The following SGCD variants were observed in gnomAD, a reference collection of about 807,000 sequenced individuals.
The protein encoded by SGCD is delta-sarcoglycan.
In SGCD, 18 loss-of-function variants were observed where a neutral mutation model predicts 36.6. The ratio of observed to expected loss-of-function variants is 0.49; its 90% CI spans 0.34 to 0.73. The LOEUF is 0.73. Ranked by LOEUF, SGCD falls within the 30% of genes least tolerant of loss-of-function variation. The pLI is 0.01. For missense variants in SGCD, 387 were observed against 346.7 expected, an observed-to-expected ratio of 1.12 and a Z score of -0.92; for synonymous variants, 133 against 130.6, an observed-to-expected ratio of 1.02 and a Z score of -0.12.
intron 3 of SGCD, among the ~76,000 whole-genome samples, chr5:156,159,178 A>G (rs142716809): frequency 0.014 from 2,056 of 151,750 alleles, 29 homozygotes; most frequent in Non-Finnish European, 0.022. Context: ...AAATGAAATA[A>G]CCAAAGAGCC....
At chr5:155,944,875 T>C (rs1757406124) in intron 1 of SGCD, among the ~76,000 whole-genome samples, 2 of 151,922 alleles carry the variant, frequency 1.3e-5, no homozygotes, top group Non-Finnish European at 2.9e-5. Flanking sequence ...TCTTTTGTCT[T>C]CCCAAATACA....
the SGCD span, among the ~76,000 whole-genome samples, chr5:155,805,991 G>T: frequency 2.6e-5 from 4 of 152,168 alleles, no homozygotes; most frequent in African/African-American, 9.7e-5. Context: ...AGCTAAGATG[G>T]GGAGGAGGTC....
intron 6 of SGCD, among the ~76,000 whole-genome samples, chr5:156,620,323 C>T (rs1176535492): frequency 6.6e-6 from 1 of 152,178 alleles, no homozygotes; most frequent in Non-Finnish European, 1.5e-5. Flanking sequence ...ACAACTGTCA[C>T]CAAACTAAGT....
Position 156,107,187 on chromosome 5 carries a change from C to A in SGCD, c.-281-10691C>A, listed in dbSNP as rs552764784. On this transcript the variant is annotated intron_variant, in intron 1 of 9. Transcript: ENST00000517913. ...AATTCTTAAAAGCAAATAAAGCCGG[C>A]AATTATGACTAATTTCTAATCCTCA... Among the ~76,000 whole-genome samples the A allele has an allele frequency of 2.1e-3, 319 of 152,244 alleles. 2 individuals carry two copies. The highest frequency in any genetic ancestry group is 7.5e-3 in the African/African-American group (312 of 41,548).
chr5:156,744,422 T>C (rs910051487), intron 7 of SGCD, among the ~76,000 whole-genome samples: 1 of 152,224 alleles, frequency 6.6e-6, no homozygotes, highest in Admixed American at 6.5e-5. Flanking sequence ...CCAATTTTCT[T>C]CTAGCTTCTC....
intron 3 of SGCD, among the ~76,000 whole-genome samples, chr5:156,369,500 G>A (rs556100180): frequency 6.6e-6 from 1 of 152,244 alleles, no homozygotes; most frequent in African/African-American, 2.4e-5. Flanking sequence ...AGACCTGCAG[G>A]GCGTTGAATA....
intron 3 of SGCD, among the ~76,000 whole-genome samples, chr5:156,507,212 G>C (rs1756740889): frequency 6.6e-6 from 1 of 152,186 alleles, no homozygotes; most frequent in Admixed American, 6.5e-5. Flanking sequence ...GGGTTATCCA[G>C]ATGTGCCCAG....
chr5:156,671,712 G>T (rs972369818), intron 7 of SGCD, among the ~76,000 whole-genome samples: 10 of 152,146 alleles, frequency 6.6e-5, no homozygotes, highest in African/African-American at 2.4e-4. Context: ...AGTGCATTTT[G>T]CATTGTCATA....
chr5:156,731,097 T>C (rs1429709330), intron 7 of SGCD, among the ~76,000 whole-genome samples: 1 of 152,176 alleles, frequency 6.6e-6, no homozygotes, highest in Admixed American at 6.5e-5. Flanking sequence ...CGAGGTTTTT[T>C]TGCATCTGAC....
chr5:155,932,063 A>G (rs1223580574), intron 1 of SGCD, among the ~76,000 whole-genome samples: 1 of 152,166 alleles, frequency 6.6e-6, no homozygotes. Flanking sequence ...CACTTCCCAA[A>G]GACCCCACTT....
rs147702300 is a variant in SGCD at position 155,988,961 on chromosome 5, T to G, written c.-282+118537T>G. Among the ~76,000 whole-genome samples the G allele has an allele frequency of 1.8e-4, 27 of 152,320 alleles. No homozygotes were observed. The East Asian group carries it at 5.2e-3, about 29-fold the overall frequency. ...GTTTAACTGTGAAAGGTGGAACCAG[T>G]GAAACTGTCTCTTCCTTTCTGTTAT... On this transcript the variant is annotated intron_variant, in intron 1 of 9. Transcript: ENST00000517913.
chr5:156,458,421 A>C, intron 3 of SGCD: 1 of 1,606,628 alleles, frequency 6.2e-7, no homozygotes, highest in Non-Finnish European at 8.5e-7. Context: ...GATGTAGTAG[A>C]CACCAATCTG....
At chr5:156,324,746 CT>C (rs879894194), upstream of SGCD, among the ~76,000 whole-genome samples, 127 of 145,434 alleles carry the variant, frequency 8.7e-4, no homozygotes, top group Middle Eastern at 3.6e-3. Flanking sequence ...TTTAAAACTT[CT>C]TTTTTTTTTT....
At chr5:156,474,577 C>T (rs751053810) in intron 3 of SGCD, among the ~76,000 whole-genome samples, 1 of 152,216 alleles carries the variant, frequency 6.6e-6, no homozygotes, top group African/African-American at 2.4e-5. Flanking sequence ...ATTGGAGATG[C>T]TCCAGCTGGT....
intron 7 of SGCD, among the ~76,000 whole-genome samples, chr5:156,670,540 T>G (rs1390434457): frequency 1.3e-5 from 2 of 152,248 alleles, no homozygotes; most frequent in South Asian, 4.1e-4. Context: ...GATCCTGGCT[T>G]GAAGCCAGCC....
At chr5:156,408,766 G>A (rs1226019910) in intron 3 of SGCD, among the ~76,000 whole-genome samples, 1 of 152,030 alleles carries the variant, frequency 6.6e-6, no homozygotes, top group Non-Finnish European at 1.5e-5. Context: ...CCATTCCCGA[G>A]GATATTTTGC....
intron 3 of SGCD, among the ~76,000 whole-genome samples, chr5:156,173,144 G>A (rs1256896078): frequency 1.3e-5 from 2 of 151,942 alleles, no homozygotes; most frequent in African/African-American, 4.8e-5. Flanking sequence ...TAATAATAAA[G>A]GTAGAGATTT....
At chr5:155,883,989 C>A (rs1253018085) in intron 1 of SGCD, among the ~76,000 whole-genome samples, 1 of 152,052 alleles carries the variant, frequency 6.6e-6, no homozygotes, top group African/African-American at 2.4e-5. Flanking sequence ...GAGCTCTCTC[C>A]AATCCATATC....
chr5:156,093,726 G>A (rs1761305253), intron 1 of SGCD, among the ~76,000 whole-genome samples: 1 of 152,118 alleles, frequency 6.6e-6, no homozygotes, highest in Non-Finnish European at 1.5e-5. Flanking sequence ...TTCCTTATTT[G>A]CCTTCTCCAT....
Sources: allele counts gnomAD v4.1 joint callset (sites outside exome capture counted in the v4.1 genomes callset), GRCh38; gene constraint gnomAD v4.1.1; transcripts MANE v1.5; gene names NCBI Gene and HGNC (gene_info 2026-07-23, HGNC 2026-07-21).